Variants in SSH2 observed in about 807,000 individuals in gnomAD.
SSH2 encodes slingshot protein phosphatase 2.
In SSH2, 37 loss-of-function variants were observed where a neutral mutation model predicts 135.2. That is an observed-to-expected ratio of 0.27 (90% confidence interval 0.21 to 0.36). The LOEUF is 0.36. Ranked by LOEUF, SSH2 falls within the 10% of genes least tolerant of loss-of-function variation. The pLI, the probability that SSH2 is intolerant of heterozygous loss-of-function variation, is 1.00. For missense variants in SSH2, 1,408 were observed against 1,765.3 expected, an observed-to-expected ratio of 0.80 and a Z score of 3.63; for synonymous variants, 628 against 646.2, an observed-to-expected ratio of 0.97 and a Z score of 0.43.
At chr17:29,754,083 T>C (rs1489477666) in intron 3 of SSH2, among the ~76,000 whole-genome samples, 1 of 152,192 alleles carries the variant, frequency 6.6e-6, no homozygotes, top group African/African-American at 2.4e-5. Flanking sequence ...CTCTAGTTTG[T>C]TATGCTATAA....
At chr17:29,865,471 G>A (rs1400208306) in intron 1 of SSH2, among the ~76,000 whole-genome samples, 4 of 152,316 alleles carry the variant, frequency 2.6e-5, no homozygotes, top group African/African-American at 9.6e-5. Context: ...AATTTGCTGA[G>A]AGTAAAAATG....
Position 29,631,712 on chromosome 17 carries a change from G to A in SSH2, c.3482C>T (p.Pro1161Leu), listed in dbSNP as rs778149388. Residue 1161 changes from proline (P) to leucine (L), a missense_variant, in exon 16 of 16, where the codon CCC (proline) becomes CTC (leucine). Pro to Leu is a moderately conservative substitution (Grantham distance 98). Around this residue, in one of 3 missense-constraint regions of SSH2, gnomAD observed 1,080 missense variants for 1,144.5 expected, o/e 0.94. Coordinates refer to ENST00000540801, the MANE Select transcript of SSH2 (RefSeq NM_001282129.2). Reference sequence around the variant, plus strand: ...GCCCTCCAGGTGAACCATAGTCTGGGGATGCAGGTAATCCAAACTGGCAGA... The same window carrying A: ...GCCCTCCAGGTGAACCATAGTCTGGAGATGCAGGTAATCCAAACTGGCAGA... ...LLSASLDYLHPQTMVHLEGFT... is the reference protein window; with the variant it reads ...LLSASLDYLHLQTMVHLEGFT... 1.9e-5 allele frequency: 31 copies of A among 1,614,032 alleles called. No homozygotes were observed. The highest frequency in any genetic ancestry group is 1.0e-4 in the Admixed American group (6 of 60,002).
At chr17:29,681,686 CAAAG>C (rs1480672379) in intron 6 of SSH2, among the ~76,000 whole-genome samples, 3 of 152,010 alleles carry the variant, frequency 2.0e-5, no homozygotes, top group Non-Finnish European at 2.9e-5. Context: ...ACATAATACT[CAAAG>C]AACTTGTAAA....
At chr17:29,833,249 T>G (rs938731908) in intron 2 of SSH2, among the ~76,000 whole-genome samples, 4 of 152,200 alleles carry the variant, frequency 2.6e-5, no homozygotes, top group African/African-American at 4.8e-5. Context: ...AATATTTGCT[T>G]TATATATCTG....
chr17:29,918,936 A>C (rs1187687836), intron 1 of SSH2, among the ~76,000 whole-genome samples: 6 of 151,814 alleles, frequency 4.0e-5, no homozygotes, highest in Admixed American at 2.6e-4. Context: ...GACCGTCTCA[A>C]ATAAAAAAAA....
At chr17:29,923,798 T>C (rs1366984895) in intron 1 of SSH2, among the ~76,000 whole-genome samples, 5 of 151,668 alleles carry the variant, frequency 3.3e-5, no homozygotes, top group Admixed American at 6.6e-5. Context: ...CCCAGCTACT[T>C]GGGAGGCTGA....
At position 29,708,428 on chromosome 17, in the gene SSH2, A is replaced by G. The variant is rs531025896; in HGVS notation, c.189-5366T>C. ...CATGGCGAAACCCCATCTCGACTAA[A>G]AATACAAAAAAATTAGCCAGGCGTG... is the stretch of plus-strand genomic sequence containing the variant. On this transcript the variant is annotated intron_variant, in intron 3 of 15. Transcript: ENST00000540801. Among the ~76,000 whole-genome samples the G allele has an allele frequency of 1.6e-4, 24 of 152,072 alleles. No homozygotes were observed. In the South Asian group the frequency reaches 5.0e-3, roughly 32 times the overall value.
rs1382229810 is a variant in SSH2 at position 29,636,434 on chromosome 17, G to A, written c.1796C>T (p.Ala599Val). The A allele has an allele frequency of 2.5e-6, 4 of 1,614,222 alleles. No individual in the cohort carries two copies. Among genetic ancestry groups the A allele is most frequent in the Non-Finnish European group, 3.4e-6 (4 of 1,180,048 alleles). Residue 599 changes from alanine to valine, a missense_variant, in exon 15 of 16, where the codon GCA (alanine) becomes GTA (valine). This residue lies in a region of SSH2 where 1,080 missense variants were observed against 1,144.5 expected (regional missense o/e 0.94). Transcript: ENST00000540801. The stretch of plus-strand genomic sequence containing the variant: ...TCCAGGCTGAATTAAGGCTTTGGAT[G>A]CATGGCAATTGTCAAGAGGAAATTT... The part of the protein sequence containing the change: ...ESKFPLDNCH[A>V]SKALIQPGHV...
intron 14 of SSH2, among the ~76,000 whole-genome samples, chr17:29,641,235 T>C (rs974641038): frequency 2.0e-5 from 3 of 152,270 alleles, no homozygotes; most frequent in Admixed American, 2.0e-4. Context: ...TCGGTTACAC[T>C]AAACTGTTTT....
chr17:29,824,622 G>A (rs1567997158), intron 2 of SSH2, among the ~76,000 whole-genome samples: 1 of 152,030 alleles, frequency 6.6e-6, no homozygotes, highest in East Asian at 1.9e-4. Flanking sequence ...TGAGGTATTC[G>A]GCTACCTGGA....
At chr17:29,911,022 C>G (rs967223655) in intron 1 of SSH2, among the ~76,000 whole-genome samples, 3 of 152,098 alleles carry the variant, frequency 2.0e-5, no homozygotes, top group African/African-American at 7.2e-5. Flanking sequence ...GAAAAAAAAT[C>G]ATCATTGATC....
chr17:29,866,346 G>C (rs2065855873), intron 1 of SSH2, among the ~76,000 whole-genome samples: 2 of 152,178 alleles, frequency 1.3e-5, no homozygotes, highest in Admixed American at 1.3e-4. Context: ...TCTCCAGTGA[G>C]ATGCAAAAGC....
rs150603471 is a variant in SSH2, at chr17:29,902,423, C to T, written c.63+27515G>A. ...CCCGTTCTAGTTAACACTTGTTGCA[C>T]AGTGAAATGATCACTAGCATTCCTT... On this transcript the variant is annotated intron_variant, in intron 1 of 15. Coordinates refer to ENST00000540801, the MANE Select transcript of SSH2 (RefSeq NM_001282129.2). 1.4e-3 allele frequency among the ~76,000 whole-genome samples: 210 copies of T among 152,134 alleles called. 1 individual carries two copies. Among genetic ancestry groups the T allele is most frequent in the African/African-American group, 4.5e-3 (188 of 41,512 alleles).
chr17:29,711,714 C>T (rs2039435845), intron 3 of SSH2, among the ~76,000 whole-genome samples: 1 of 152,206 alleles, frequency 6.6e-6, no homozygotes, highest in African/African-American at 2.4e-5. Context: ...ATGTGGCTTA[C>T]ATCTGGCAGT....
intron 2 of SSH2, among the ~76,000 whole-genome samples, chr17:29,847,598 C>A (rs1179411637): frequency 6.6e-6 from 1 of 152,172 alleles, no homozygotes; most frequent in African/African-American, 2.4e-5. Context: ...ACTTCCAACA[C>A]CCCTTTAAGG....
chr17:29,744,860 AGTGTGTGTGT>A (rs71689248), intron 3 of SSH2, among the ~76,000 whole-genome samples: 200 of 140,538 alleles, frequency 1.4e-3, no homozygotes, highest in East Asian at 2.3e-3. Context: ...GGATTACTTG[AGTGTGTGTGT>A]GTGTGTGTGT....
At chr17:29,643,106 T>C (rs1389295714) in intron 14 of SSH2, 1 of 984,912 alleles carries the variant, frequency 1.0e-6, no homozygotes, top group Non-Finnish European at 1.2e-6. Context: ...CTTACCTAAA[T>C]TGCAAGGCTT....
At chr17:29,785,638 T>G (rs2041942948) in intron 3 of SSH2, among the ~76,000 whole-genome samples, 1 of 151,498 alleles carries the variant, frequency 6.6e-6, no homozygotes, top group South Asian at 2.1e-4. Flanking sequence ...TAGCTGGGAT[T>G]ACAGGAGCGT....
At chr17:29,633,309 C>G (rs1475499752) in intron 15 of SSH2, among the ~76,000 whole-genome samples, 1 of 152,186 alleles carries the variant, frequency 6.6e-6, no homozygotes, top group East Asian at 1.9e-4. Context: ...TAAATGAAAC[C>G]TTTCCCCCGT....
Sources: allele counts gnomAD v4.1 joint callset (sites outside exome capture counted in the v4.1 genomes callset), GRCh38; gene constraint gnomAD v4.1.1; regional missense constraint gnomAD v4.1.1; transcripts MANE v1.5; gene names NCBI Gene and HGNC (gene_info 2026-07-23, HGNC 2026-07-21).